The following RPS6KA3 variants were observed in gnomAD, a reference collection of about 807,000 sequenced individuals.
RPS6KA3 encodes ribosomal protein S6 kinase A3, also known as ribosomal protein S6 kinase alpha-3.
In RPS6KA3, 4 loss-of-function variants were observed where a neutral mutation model predicts 67.2. The ratio of observed to expected loss-of-function variants is 0.06; its 90% CI spans 0.03 to 0.14. The LOEUF (loss-of-function observed/expected upper bound fraction) is 0.14. Ranked by LOEUF, RPS6KA3 falls within the 10% of genes least tolerant of loss-of-function variation. RPS6KA3 has a pLI of 1.00. For missense variants in RPS6KA3, 204 were observed against 559.0 expected, an observed-to-expected ratio of 0.36 and a Z score of 6.40; for synonymous variants, 182 against 183.7, an observed-to-expected ratio of 0.99 and a Z score of 0.07.
chrX:20,193,720 C>T, intron 6 of RPS6KA3, 127 bp from the exon 7 acceptor site: 2 of 452,027 alleles, frequency 4.4e-6, no homozygotes, highest in Non-Finnish European at 7.5e-6. Context: ...GCTTTGTTTA[C>T]AATTTATTCG....
rs931868546 is a variant in RPS6KA3 at position 20,152,765 on chromosome X, T to C, written c.*2633A>G. 3 of 112,338 alleles carry C rather than the reference T, an allele frequency of 2.7e-5. No individual in the cohort carries two copies. Among genetic ancestry groups the C allele is most frequent in the African/African-American group, 9.7e-5 (3 of 30,881 alleles). 9.3% of individuals were successfully genotyped at this position (112,338 alleles called of 1,213,427 possible). ...TAGAAAGCCTTCCATTTTGTGAACA[T>C]ATAACTTGCTTTTCTCCAATAAAAT... On this transcript the variant is annotated 3_prime_UTR_variant, in exon 22 of 22. Transcript: ENST00000379565.
At chrX:20,175,379 G>C in intron 13 of RPS6KA3, 91 bp from the exon 14 acceptor site, 1 of 950,858 alleles carries the variant, frequency 1.1e-6, no homozygotes, top group African/African-American at 1.9e-5. Context: ...ACTTATTCTG[G>C]AATTCTATTT....
intron 1 of RPS6KA3, among the ~76,000 whole-genome samples, chrX:20,257,209 T>C (rs1354306319): frequency 5.4e-5 from 6 of 112,094 alleles, no homozygotes; most frequent in Non-Finnish European, 1.1e-4. Context: ...CTTCCTTCCA[T>C]CTTCACTTGG....
intron 2 of RPS6KA3, among the ~76,000 whole-genome samples, chrX:20,213,837 T>A (rs1333468166): frequency 2.7e-5 from 3 of 110,642 alleles, no homozygotes; most frequent in Non-Finnish European, 5.7e-5. Context: ...GACAACAGCA[T>A]CCACATTATC....
intron 3 of RPS6KA3, 145 bp from the exon 4 acceptor site, chrX:20,204,248 T>C (rs1380202153): frequency 6.6e-6 from 3 of 453,027 alleles, no homozygotes; most frequent in Non-Finnish European, 1.1e-5. Flanking sequence ...GTATCAATTA[T>C]AAATACTAGT....
chrX:20,254,728 A>T (rs994089668), intron 1 of RPS6KA3, among the ~76,000 whole-genome samples: 1 of 112,480 alleles, frequency 8.9e-6, no homozygotes, highest in African/African-American at 3.2e-5. Context: ...GACAAGAAGC[A>T]CATGAAAAGA....
chrX:20,245,254 T>C (rs1370693277), intron 1 of RPS6KA3, among the ~76,000 whole-genome samples: 1 of 111,958 alleles, frequency 8.9e-6, no homozygotes, highest in African/African-American at 3.2e-5. Context: ...GATTAAAGTT[T>C]TAGATTAAGG....
At chrX:20,255,630 T>C (rs928021866) in intron 1 of RPS6KA3, among the ~76,000 whole-genome samples, 3 of 106,482 alleles carry the variant, frequency 2.8e-5, no homozygotes, top group African/African-American at 1.0e-4. Context: ...CTACTAAAAA[T>C]ACAAAAAATT....
At chrX:20,249,279 G>A (rs946306944) in intron 1 of RPS6KA3, among the ~76,000 whole-genome samples, 3 of 112,126 alleles carry the variant, frequency 2.7e-5, no homozygotes, top group African/African-American at 9.7e-5. Flanking sequence ...GAACATCTGT[G>A]CACAGACTTT....
intron 8 of RPS6KA3, 55 bp downstream of exon 8, chrX:20,188,442 G>A (rs766963226): frequency 1.1e-5 from 7 of 657,266 alleles, no homozygotes; most frequent in Non-Finnish European, 1.5e-5. Flanking sequence ...AACCTTAAAG[G>A]AAAGTATATA....
At chrX:20,262,216 A>T (rs1257321865) in intron 1 of RPS6KA3, among the ~76,000 whole-genome samples, 1 of 111,998 alleles carries the variant, frequency 8.9e-6, no homozygotes, top group Non-Finnish European at 1.9e-5. Context: ...ATTGAACTGT[A>T]GAGCAAATCT....
At position 20,266,761 on chromosome X, in the gene RPS6KA3, CA is replaced by C; in HGVS notation, c.-130del. ...GCGGCGGCGGCGGCAGCGGCAGCGGCAGCGGCAGCAGCAGCAGCAGCGGCGG... is the reference window on the plus strand; with the variant it reads ...GCGGCGGCGGCGGCAGCGGCAGCGGCGCGGCAGCAGCAGCAGCAGCGGCGG... On this transcript the variant is annotated 5_prime_UTR_variant, in exon 1 of 22. Coordinates refer to ENST00000379565, the MANE Select transcript of RPS6KA3 (RefSeq NM_004586.3). The C allele has an allele frequency of 2.9e-6, 1 of 344,735 alleles. No individual in the cohort carries two copies. Among genetic ancestry groups the C allele is most frequent in the Non-Finnish European group, 3.7e-6 (1 of 267,147 alleles). The allele number at this position is 344,735 out of a possible 1,213,427, so 28.4% of individuals were successfully genotyped here. A position where few individuals can be genotyped will look rare whatever the true frequency, so the allele number is the denominator to read the frequency against.
At chrX:20,260,994 C>A (rs2070210663) in intron 1 of RPS6KA3, among the ~76,000 whole-genome samples, 1 of 111,713 alleles carries the variant, frequency 9.0e-6, no homozygotes, top group African/African-American at 3.2e-5. Flanking sequence ...GAGCAAAAAC[C>A]AAATTACTTA....
rs777093366 is a variant in RPS6KA3 at position 20,209,380 on chromosome X, C to A, written c.151G>T (p.Ala51Ser). ...CCTTCCTTTACATGATGTGTGATTG[C>A]AATTTCTTTGATACTGACTTCTTCC... ...QTEEVSIKEI[A>S]ITHHVKEGHE... Residue 51 changes from alanine to serine, a missense_variant, in exon 3 of 22, where the codon GCA (alanine) becomes TCA (serine). Ala to Ser is a moderately conservative substitution (Grantham distance 99). Around this residue, in one of 4 missense-constraint regions of RPS6KA3, gnomAD observed 31 missense variants for 42.5 expected, o/e 0.73. Coordinates refer to ENST00000379565, the MANE Select transcript of RPS6KA3 (RefSeq NM_004586.3). The A allele has an allele frequency of 2.5e-6, 3 of 1,181,250 alleles. No individual in the cohort carries two copies. The highest frequency in any genetic ancestry group is 3.5e-6 in the Non-Finnish European group (3 of 868,082).
At chrX:20,163,262 T>C (rs2067349101) in intron 18 of RPS6KA3, among the ~76,000 whole-genome samples, 1 of 111,919 alleles carries the variant, frequency 8.9e-6, no homozygotes, top group Non-Finnish European at 1.9e-5. Context: ...TTGAGTGCTG[T>C]AGGTACACAG....
Position 20,151,221 on chromosome X carries a change from G to A in RPS6KA3, c.*4177C>T, listed in dbSNP as rs1481369294. The A allele has an allele frequency of 1.8e-5, 2 of 112,114 alleles. No individual in the cohort carries two copies. The highest frequency in any genetic ancestry group is 3.3e-5 in the African/African-American group (1 of 30,736). 9.2% of individuals were successfully genotyped at this position (112,114 alleles called of 1,213,427 possible). On this transcript the variant is annotated 3_prime_UTR_variant, in exon 22 of 22. Coordinates refer to ENST00000379565, the MANE Select transcript of RPS6KA3 (RefSeq NM_004586.3). ...AATTCTTCTTGGCCATCCATATTTG[G>A]GCATTATCATTCTGGAGATTCTTCA...
intron 10 of RPS6KA3, among the ~76,000 whole-genome samples, chrX:20,182,533 C>T (rs2067869902): frequency 8.9e-6 from 1 of 112,194 alleles, no homozygotes. Flanking sequence ...GCCCACAGAG[C>T]GTAAATACAA....
intron 3 of RPS6KA3, among the ~76,000 whole-genome samples, chrX:20,207,553 G>A (rs2068601342): frequency 9.0e-6 from 1 of 111,722 alleles, no homozygotes; most frequent in Non-Finnish European, 1.9e-5. Flanking sequence ...TCAATTAGGA[G>A]AGTATTAGTA....
At chrX:20,182,851 C>T (rs2067879045) in intron 10 of RPS6KA3, among the ~76,000 whole-genome samples, 1 of 111,580 alleles carries the variant, frequency 9.0e-6, no homozygotes, top group Admixed American at 9.6e-5. Flanking sequence ...GCTTCACATC[C>T]CACCATTTTG....
Sources: allele counts gnomAD v4.1 joint callset (sites outside exome capture counted in the v4.1 genomes callset), GRCh38; gene constraint gnomAD v4.1.1; regional missense constraint gnomAD v4.1.1; transcripts MANE v1.5; gene names NCBI Gene and HGNC (gene_info 2026-07-23, HGNC 2026-07-21).